LINGO2: variants seen among roughly 807,000 people sequenced by gnomAD.
The protein encoded by LINGO2 is leucine rich repeat and Ig domain containing 2.
Under a neutral mutation model 30.6 loss-of-function variants are expected in LINGO2, and 14 were observed. The observed-to-expected ratio is 0.46, with a 90% confidence interval of 0.30 to 0.72. The LOEUF (loss-of-function observed/expected upper bound fraction) is 0.72. Ranked by LOEUF, LINGO2 falls within the 30% of genes least tolerant of loss-of-function variation. The pLI is 0.07. For missense variants in LINGO2, 729 were observed against 751.7 expected, an observed-to-expected ratio of 0.97 and a Z score of 0.35; for synonymous variants, 317 against 288.5, an observed-to-expected ratio of 1.10 and a Z score of -1.00.
intron 4 of LINGO2, among the ~76,000 whole-genome samples, chr9:28,032,045 G>A (rs992992739): frequency 2.0e-5 from 3 of 151,662 alleles, no homozygotes; most frequent in South Asian, 2.1e-4. Flanking sequence ...GAGGGGTGGG[G>A]GGGGAAAGCC....
the LINGO2 span, among the ~76,000 whole-genome samples, chr9:29,072,893 G>C: frequency 6.6e-6 from 1 of 151,484 alleles, no homozygotes; most frequent in Non-Finnish European, 1.5e-5. Flanking sequence ...CATAGGGCAT[G>C]TGCTCCTGCT....
the LINGO2 span, among the ~76,000 whole-genome samples, chr9:28,975,651 T>C: frequency 2.1e-4 from 32 of 152,310 alleles, no homozygotes; most frequent in African/African-American, 7.0e-4. Flanking sequence ...GGTCTTAATA[T>C]TCTATTACTC....
At chr9:29,025,889 G>C in the LINGO2 span, among the ~76,000 whole-genome samples, 1 of 151,998 alleles carries the variant, frequency 6.6e-6, no homozygotes, top group Non-Finnish European at 1.5e-5. Flanking sequence ...GCATCATGTG[G>C]TATTTATTTT....
chr9:28,651,696 G>T (rs1338830650), intron 1 of LINGO2, among the ~76,000 whole-genome samples: 1 of 152,008 alleles, frequency 6.6e-6, no homozygotes, highest in Non-Finnish European at 1.5e-5. Context: ...ACAGCCTTTA[G>T]CATCATTTTT....
the LINGO2 span, among the ~76,000 whole-genome samples, chr9:28,688,937 G>T: frequency 6.6e-6 from 1 of 152,108 alleles, no homozygotes; most frequent in African/African-American, 2.4e-5. Context: ...TGTACTGCAT[G>T]GCAGCCCCCC....
the LINGO2 span, among the ~76,000 whole-genome samples, chr9:28,928,624 A>G: frequency 6.6e-6 from 1 of 152,192 alleles, no homozygotes; most frequent in Admixed American, 6.5e-5. Context: ...CATTCTCTAT[A>G]GTTTTGCTTT....
At chr9:28,947,533 T>C in the LINGO2 span, among the ~76,000 whole-genome samples, 3 of 152,050 alleles carry the variant, frequency 2.0e-5, no homozygotes, top group South Asian at 6.2e-4. Context: ...AGAACAAATT[T>C]GAGTCTGCTA....
At chr9:28,750,675 G>A in the LINGO2 span, among the ~76,000 whole-genome samples, 1 of 152,008 alleles carries the variant, frequency 6.6e-6, no homozygotes, top group Non-Finnish European at 1.5e-5. Context: ...TACTCTTGGG[G>A]AACTCAGCCC....
At position 28,632,567 on chromosome 9, in the gene LINGO2, G is replaced by A. The variant is rs982009911; in HGVS notation, c.-365+37633C>T. On this transcript the variant is annotated intron_variant, in intron 1 of 5. Coordinates refer to ENST00000379992, the Ensembl canonical transcript of LINGO2. ...TATCTCAATATATAATATATATCTC[G>A]ATATACTATATATGTCGATATATGT... Among the ~76,000 whole-genome samples the A allele has an allele frequency of 1.5e-4, 22 of 144,456 alleles. 1 individual carries two copies. Among genetic ancestry groups the A allele is most frequent in the Admixed American group, 2.1e-4 (3 of 14,106 alleles). The allele number at this position is 144,456 out of a possible 152,430, so 94.8% of individuals were successfully genotyped here. A position where few individuals can be genotyped will look rare whatever the true frequency, so the allele number is the denominator to read the frequency against.
chr9:28,076,452 CT>C (rs1825625874), intron 4 of LINGO2, among the ~76,000 whole-genome samples: 1 of 150,672 alleles, frequency 6.6e-6, no homozygotes, highest in Non-Finnish European at 1.5e-5. Context: ...CATTGCATAG[CT>C]TTTTTATATT....
chr9:28,088,335 A>G (rs537790207), intron 4 of LINGO2, among the ~76,000 whole-genome samples: 1 of 152,002 alleles, frequency 6.6e-6, no homozygotes, highest in African/African-American at 2.4e-5. Context: ...ACCTGCTTCT[A>G]GTATATACAT....
chr9:28,987,572 CCTG>C, the LINGO2 span, among the ~76,000 whole-genome samples: 1 of 151,974 alleles, frequency 6.6e-6, no homozygotes. Flanking sequence ...TTTCCTTCTT[CCTG>C]CTGACTTTGG....
intron 5 of LINGO2, among the ~76,000 whole-genome samples, chr9:27,966,215 T>C (rs1820094088): frequency 6.6e-6 from 1 of 151,998 alleles, no homozygotes; most frequent in African/African-American, 2.4e-5. Flanking sequence ...GATTAATCTA[T>C]TAAGGTAGAT....
At chr9:28,187,013 G>C (rs1206153316) in intron 4 of LINGO2, among the ~76,000 whole-genome samples, 1 of 152,140 alleles carries the variant, frequency 6.6e-6, no homozygotes, top group Non-Finnish European at 1.5e-5. Flanking sequence ...TCTGACTACA[G>C]TAGTGGGGAC....
chr9:28,262,834 T>G (rs928815171), intron 4 of LINGO2, among the ~76,000 whole-genome samples: 2 of 152,000 alleles, frequency 1.3e-5, no homozygotes, highest in African/African-American at 4.8e-5. Context: ...TGAACTTCAA[T>G]TTTCAGTAAG....
chr9:28,721,996 T>G, the LINGO2 span, among the ~76,000 whole-genome samples: 1 of 151,890 alleles, frequency 6.6e-6, no homozygotes, highest in South Asian at 2.1e-4. Flanking sequence ...AAAATCTTCA[T>G]GAGGGGAAAT....
At chr9:28,132,321 C>T (rs1161413371) in intron 4 of LINGO2, among the ~76,000 whole-genome samples, 1 of 151,686 alleles carries the variant, frequency 6.6e-6, no homozygotes, top group Admixed American at 6.6e-5. Flanking sequence ...TGAGTTATAC[C>T]CATGTGTAGA....
downstream of LINGO2, among the ~76,000 whole-genome samples, chr9:27,944,990 C>T (rs538311077): frequency 2.0e-4 from 31 of 152,264 alleles, no homozygotes; most frequent in African/African-American, 7.2e-4. Context: ...AAGTGTCTGC[C>T]TCCAACCTTC....
chr9:28,565,852 C>T (rs1320120926), intron 1 of LINGO2, among the ~76,000 whole-genome samples: 2 of 152,074 alleles, frequency 1.3e-5, no homozygotes, highest in Non-Finnish European at 2.9e-5. Flanking sequence ...CTGTGACGAG[C>T]CCAAAAGGAT....
Sources: allele counts gnomAD v4.1 joint callset (sites outside exome capture counted in the v4.1 genomes callset), GRCh38; gene constraint gnomAD v4.1.1; transcripts MANE v1.5; gene names NCBI Gene and HGNC (gene_info 2026-07-23, HGNC 2026-07-21).